The following PIWIL2 variants were observed in gnomAD, a reference collection of about 807,000 sequenced individuals.
PIWIL2 encodes piwi-like protein 2.
A neutral mutation model predicts 116.5 loss-of-function variants in PIWIL2; 81 were observed. That is an observed-to-expected ratio of 0.70 (90% CI 0.58 to 0.84). The LOEUF is 0.84. Ranked by LOEUF, PIWIL2 falls within the 40% of genes least tolerant of loss-of-function variation. The probability of loss-of-function intolerance (pLI) is 0.00; values close to 1 mark genes in which losing one functional copy is unlikely to be tolerated. For missense variants in PIWIL2, 1,272 were observed against 1,212.3 expected (o/e 1.05, Z -0.73); for synonymous variants, 489 against 429.5 (o/e 1.14, Z -1.71).
At position 22,308,529 on chromosome 8, in the gene PIWIL2, T is replaced by C. The variant is rs559790386; in HGVS notation, c.1686+456T>C. Among the ~76,000 whole-genome samples, 195 of 152,164 alleles carry C rather than the reference T, an allele frequency of 1.3e-3. 1 individual carries two copies. Among genetic ancestry groups the C allele is most frequent in the African/African-American group, 4.5e-3 (188 of 41,514 alleles). The stretch of plus-strand genomic sequence containing the variant: ...TTAGCTGAGTGTCGAGGCACGAGCC[T>C]GTAATACCAGCTACTCAGGAGGCTG... On this transcript the variant is annotated intron_variant, in intron 14 of 22. Coordinates refer to ENST00000356766, the MANE Select transcript of PIWIL2 (RefSeq NM_018068.5).
At chr8:22,336,215 A>T (rs1157699003) in intron 20 of PIWIL2, among the ~76,000 whole-genome samples, 4 of 152,106 alleles carry the variant, frequency 2.6e-5, no homozygotes, top group Admixed American at 2.6e-4. Context: ...TGTACGTGGC[A>T]CTCTTCTCCA....
intron 10 of PIWIL2, among the ~76,000 whole-genome samples, chr8:22,303,609 A>T (rs1288253435): frequency 6.6e-6 from 1 of 151,914 alleles, no homozygotes; most frequent in Non-Finnish European, 1.5e-5. Context: ...GCCCAGGCTG[A>T]TGTCAATATC....
At chr8:22,338,715 TAAATAAATAAC>T (rs1832037845) in intron 20 of PIWIL2, among the ~76,000 whole-genome samples, 3 of 150,914 alleles carry the variant, frequency 2.0e-5, no homozygotes, top group South Asian at 2.1e-4. Flanking sequence ...AATAAATAAA[TAAATAAATAAC>T]AACATTTATG....
At chr8:22,321,813 G>GGCCA in intron 20 of PIWIL2, 1 of 964,998 alleles carries the variant, frequency 1.0e-6, no homozygotes, top group Non-Finnish European at 1.2e-6. Flanking sequence ...GACTACCTCT[G>GGCCA]GACTCCCCAT....
intron 1 of PIWIL2, among the ~76,000 whole-genome samples, chr8:22,277,035 T>TA (rs1563337900): frequency 4.1e-4 from 55 of 133,676 alleles, no homozygotes; most frequent in South Asian, 1.6e-3. Flanking sequence ...ATATATATAT[T>TA]TTTTTTTTTG....
intron 20 of PIWIL2, among the ~76,000 whole-genome samples, chr8:22,351,459 A>G: frequency 1.2e-5 from 1 of 84,404 alleles, no homozygotes; most frequent in Non-Finnish European, 2.2e-5. Context: ...ATATATATAT[A>G]TATATATATA....
At chr8:22,293,589 T>G (rs926958525) in intron 10 of PIWIL2, among the ~76,000 whole-genome samples, 1 of 152,202 alleles carries the variant, frequency 6.6e-6, no homozygotes, top group African/African-American at 2.4e-5. Flanking sequence ...CTTCCCAAAG[T>G]GCTGGGATTA....
At chr8:22,331,182 A>G (rs932930661) in intron 20 of PIWIL2, among the ~76,000 whole-genome samples, 3 of 152,138 alleles carry the variant, frequency 2.0e-5, no homozygotes, top group African/African-American at 7.2e-5. Flanking sequence ...TCTCAAAAAA[A>G]TAAAAATAAA....
intron 20 of PIWIL2, among the ~76,000 whole-genome samples, chr8:22,339,980 C>T (rs1379977818): frequency 6.6e-6 from 1 of 151,246 alleles, no homozygotes; most frequent in African/African-American, 2.4e-5. Context: ...CGATGTTTGT[C>T]ATGCACATAG....
intron 10 of PIWIL2, among the ~76,000 whole-genome samples, 182 bp from the exon 11 acceptor site, chr8:22,303,839 A>G (rs562062714): frequency 6.6e-6 from 1 of 152,234 alleles, no homozygotes; most frequent in East Asian, 1.9e-4. Flanking sequence ...TCTGCCTCCT[A>G]AAATGCTGGG....
At chr8:22,317,870 C>T (rs1032167031) in intron 19 of PIWIL2, among the ~76,000 whole-genome samples, 1 of 151,992 alleles carries the variant, frequency 6.6e-6, no homozygotes, top group African/African-American at 2.4e-5. Flanking sequence ...ACCGTGTTAG[C>T]CAGGATGGTC....
At chr8:22,310,107 C>G (rs1390680947) in intron 15 of PIWIL2, 33 bp downstream of exon 15, 1 of 1,109,976 alleles carries the variant, frequency 9.0e-7, no homozygotes, top group Non-Finnish European at 1.4e-6. Flanking sequence ...AAGAGAGGAC[C>G]AGTATTCCCC....
intron 17 of PIWIL2, among the ~76,000 whole-genome samples, chr8:22,314,682 T>A (rs1347470433): frequency 6.6e-6 from 1 of 152,158 alleles, no homozygotes; most frequent in Non-Finnish European, 1.5e-5. Context: ...TTCATGTGAC[T>A]GAGTTCTGAG....
chr8:22,330,569 C>T (rs1342711729), intron 20 of PIWIL2, among the ~76,000 whole-genome samples: 2 of 151,542 alleles, frequency 1.3e-5, no homozygotes, highest in African/African-American at 4.8e-5. Flanking sequence ...TAGTGGCGGG[C>T]ACCTGTAATC....
At chr8:22,306,467 C>T (rs901487567) in intron 13 of PIWIL2, among the ~76,000 whole-genome samples, 1 of 152,140 alleles carries the variant, frequency 6.6e-6, no homozygotes, top group Admixed American at 6.5e-5. Context: ...GATGGTTTAT[C>T]TTGTGGGGCC....
chr8:22,348,023 A>G (rs553769900), intron 20 of PIWIL2, among the ~76,000 whole-genome samples: 1 of 151,558 alleles, frequency 6.6e-6, no homozygotes, highest in East Asian at 1.9e-4. Flanking sequence ...TTAGCTGAGC[A>G]CAGTGGCCCA....
intron 20 of PIWIL2, among the ~76,000 whole-genome samples, chr8:22,321,194 T>C (rs564688109): frequency 8.5e-5 from 13 of 152,184 alleles, no homozygotes; most frequent in Middle Eastern, 6.8e-3. Flanking sequence ...CAAAAGAATT[T>C]TTTTTTTTTT....
At chr8:22,338,956 A>G (rs1287336750) in intron 20 of PIWIL2, among the ~76,000 whole-genome samples, 1 of 152,238 alleles carries the variant, frequency 6.6e-6, no homozygotes, top group East Asian at 1.9e-4. Flanking sequence ...GATAAACAAG[A>G]CAGTGTGGTC....
intron 20 of PIWIL2, among the ~76,000 whole-genome samples, chr8:22,328,607 T>C (rs1831781900): frequency 6.6e-6 from 1 of 152,194 alleles, no homozygotes; most frequent in Admixed American, 6.5e-5. Flanking sequence ...TAAATTTCTT[T>C]CAGCAGTGTT....
Sources: allele counts gnomAD v4.1 joint callset (sites outside exome capture counted in the v4.1 genomes callset), GRCh38; gene constraint gnomAD v4.1.1; transcripts MANE v1.5; gene names NCBI Gene and HGNC (gene_info 2026-07-23, HGNC 2026-07-21).